TAFA1: variants seen among roughly 807,000 people sequenced by gnomAD.
TAFA1 encodes chemokine-like protein TAFA-1.
TAFA1 carries 4 observed loss-of-function variants against 18.5 expected under a neutral mutation model. The ratio of observed to expected loss-of-function variants is 0.22; its 90% confidence interval spans 0.11 to 0.49. The LOEUF is 0.49. Among genes scored for constraint, TAFA1 ranks in the 20% least tolerant of loss-of-function variants. The pLI, the probability that TAFA1 is intolerant of heterozygous loss-of-function variation, is 0.98. For synonymous variants in TAFA1, 56 were observed against 55.2 expected, an observed-to-expected ratio of 1.01 and a Z score of -0.06; for missense variants, 147 against 169.0, an observed-to-expected ratio of 0.87 and a Z score of 0.72.
At chr3:68,283,104 A>G (rs1316358626) in intron 2 of TAFA1, among the ~76,000 whole-genome samples, 5 of 152,200 alleles carry the variant, frequency 3.3e-5, no homozygotes, top group Non-Finnish European at 5.9e-5. Context: ...TTAAACTCTC[A>G]GAACAATAAA....
At chr3:68,240,376 T>C (rs945400843) in intron 2 of TAFA1, among the ~76,000 whole-genome samples, 1 of 152,156 alleles carries the variant, frequency 6.6e-6, no homozygotes, top group African/African-American at 2.4e-5. Flanking sequence ...GACTCTTCCA[T>C]CTCTCTTGAA....
At chr3:68,383,314 T>G (rs894354979) in intron 2 of TAFA1, among the ~76,000 whole-genome samples, 1 of 152,166 alleles carries the variant, frequency 6.6e-6, no homozygotes, top group African/African-American at 2.4e-5. Flanking sequence ...TGATGTCAGC[T>G]GTGGGTTTGT....
intron 2 of TAFA1, among the ~76,000 whole-genome samples, chr3:68,362,623 A>G (rs1352877850): frequency 3.9e-5 from 6 of 152,128 alleles, no homozygotes; most frequent in Non-Finnish European, 7.4e-5. Flanking sequence ...TTAGGTTCCT[A>G]ACAGGAATGG....
intron 2 of TAFA1, among the ~76,000 whole-genome samples, chr3:68,276,186 T>A (rs556357953): frequency 6.7e-6 from 1 of 149,836 alleles, no homozygotes; most frequent in South Asian, 2.1e-4. Context: ...GACAAAATAG[T>A]CAAACCATTT....
intron 2 of TAFA1, among the ~76,000 whole-genome samples, chr3:68,142,718 C>G (rs1180668859): frequency 6.6e-6 from 1 of 152,298 alleles, no homozygotes; most frequent in East Asian, 1.9e-4. Context: ...TCCAAGAGCA[C>G]TTTAAATACA....
At chr3:68,498,393 G>T (rs1437598387) in intron 3 of TAFA1, among the ~76,000 whole-genome samples, 1 of 144,850 alleles carries the variant, frequency 6.9e-6, no homozygotes, top group Non-Finnish European at 1.5e-5. Flanking sequence ...AGGAGGCAGG[G>T]TTATAAATCA....
intron 2 of TAFA1, among the ~76,000 whole-genome samples, chr3:68,290,486 A>G (rs1420318272): frequency 1.3e-5 from 2 of 152,142 alleles, no homozygotes; most frequent in Admixed American, 6.5e-5. Flanking sequence ...GAAAATTAAG[A>G]AGTTACAGAG....
At chr3:67,993,440 T>C in the TAFA1 span, among the ~76,000 whole-genome samples, 2 of 152,226 alleles carry the variant, frequency 1.3e-5, no homozygotes, top group South Asian at 2.1e-4. Flanking sequence ...TATTTTCCAA[T>C]GATCTGGGAA....
At chr3:68,480,843 G>A (rs943030418) in intron 3 of TAFA1, among the ~76,000 whole-genome samples, 3 of 152,132 alleles carry the variant, frequency 2.0e-5, no homozygotes, top group Admixed American at 2.0e-4. Flanking sequence ...TTGTGGGAGG[G>A]ACCCAGTGAG....
intron 3 of TAFA1, among the ~76,000 whole-genome samples, chr3:68,528,588 G>C (rs1421047386): frequency 6.6e-6 from 1 of 152,148 alleles, no homozygotes; most frequent in East Asian, 1.9e-4. Context: ...AACAACCAGT[G>C]CAAAAAGGGA....
intron 2 of TAFA1, among the ~76,000 whole-genome samples, chr3:68,166,762 C>T (rs190033068): frequency 5.9e-5 from 9 of 152,168 alleles, no homozygotes; most frequent in Admixed American, 3.3e-4. Context: ...GAAAGTTCTG[C>T]GAATCAAATG....
At chr3:68,010,076 A>G (rs1327486856) in intron 2 of TAFA1, among the ~76,000 whole-genome samples, 1 of 152,198 alleles carries the variant, frequency 6.6e-6, no homozygotes, top group Non-Finnish European at 1.5e-5. Flanking sequence ...TCTTTCATAA[A>G]GCAAGAGCAG....
intron 4 of TAFA1, among the ~76,000 whole-genome samples, chr3:68,540,247 T>C (rs1559711989): frequency 6.6e-6 from 1 of 152,190 alleles, no homozygotes; most frequent in South Asian, 2.1e-4. Context: ...TGGCTATACA[T>C]TTCCGGCTTG....
intron 2 of TAFA1, among the ~76,000 whole-genome samples, chr3:68,195,142 A>T (rs918706620): frequency 6.6e-6 from 1 of 151,416 alleles, no homozygotes; most frequent in African/African-American, 2.4e-5. Context: ...GCATTTGGAA[A>T]TGTTCTTTCA....
At chr3:68,201,639 A>C (rs972615878) in intron 2 of TAFA1, among the ~76,000 whole-genome samples, 1 of 151,862 alleles carries the variant, frequency 6.6e-6, no homozygotes, top group African/African-American at 2.4e-5. Flanking sequence ...GTCTCTCTTT[A>C]TCCTTGGTAA....
intron 2 of TAFA1, among the ~76,000 whole-genome samples, chr3:68,326,889 G>A (rs557677078): frequency 6.6e-6 from 1 of 152,260 alleles, no homozygotes; most frequent in South Asian, 2.1e-4. Flanking sequence ...TAAATAGAGA[G>A]TTCCAAATTC....
chr3:68,265,942 A>C (rs932499439), intron 2 of TAFA1, among the ~76,000 whole-genome samples: 4 of 152,168 alleles, frequency 2.6e-5, no homozygotes, highest in African/African-American at 9.6e-5. Flanking sequence ...AGAAGAAAAA[A>C]AATTGTATAA....
intron 2 of TAFA1, among the ~76,000 whole-genome samples, chr3:68,041,388 G>A (rs73837256): frequency 0.028 from 4,284 of 152,262 alleles, 82 homozygotes; most frequent in East Asian, 0.1. Context: ...ATATGCCTTT[G>A]AGTTGCAATG....
chr3:68,035,823 C>T (rs544712726), intron 2 of TAFA1, among the ~76,000 whole-genome samples: 11 of 152,266 alleles, frequency 7.2e-5, no homozygotes, highest in Middle Eastern at 3.4e-3. Context: ...GGTGCAGCCA[C>T]GCAATGTAAT....
Sources: allele counts gnomAD v4.1 joint callset (sites outside exome capture counted in the v4.1 genomes callset), GRCh38; gene constraint gnomAD v4.1.1; transcripts MANE v1.5; gene names NCBI Gene and HGNC (gene_info 2026-07-23, HGNC 2026-07-21).